MAGI2: variants seen among roughly 807,000 people sequenced by gnomAD.
MAGI2 encodes the protein membrane associated guanylate kinase, WW and PDZ domain containing 2.
MAGI2 carries 35 observed loss-of-function variants against 133.3 expected under a neutral mutation model. That is an observed-to-expected ratio of 0.26 (90% CI 0.20 to 0.35). The LOEUF (loss-of-function observed/expected upper bound fraction) is 0.35, where lower values mean the gene tolerates loss of function less well. Among genes scored for constraint, MAGI2 ranks in the 10% least tolerant of loss-of-function variants. The pLI is 1.00. For missense variants in MAGI2, 1,636 were observed against 1,863.4 expected, an observed-to-expected ratio of 0.88 and a Z score of 2.25; for synonymous variants, 729 against 710.6, an observed-to-expected ratio of 1.03 and a Z score of -0.41.
intron 6 of MAGI2, among the ~76,000 whole-genome samples, chr7:78,480,095 A>G (rs571090308): frequency 6.6e-6 from 1 of 152,072 alleles, no homozygotes; most frequent in South Asian, 2.1e-4. Context: ...CTTGGAAGCA[A>G]TGAACCAATT....
intron 1 of MAGI2, among the ~76,000 whole-genome samples, chr7:79,344,882 C>T (rs925159547): frequency 1.3e-5 from 2 of 151,968 alleles, no homozygotes; most frequent in Middle Eastern, 3.4e-3. Context: ...AGAGGTGATC[C>T]CCAATAGTAG....
intron 1 of MAGI2, among the ~76,000 whole-genome samples, chr7:79,140,991 T>G (rs779280327): frequency 3.9e-5 from 6 of 152,158 alleles, no homozygotes; most frequent in Non-Finnish European, 7.4e-5. Flanking sequence ...TACTTCTAGG[T>G]TTTCAAATAA....
chr7:79,299,558 A>AT (rs1461912997), intron 1 of MAGI2, among the ~76,000 whole-genome samples: 1 of 146,940 alleles, frequency 6.8e-6, no homozygotes, highest in East Asian at 1.9e-4. Flanking sequence ...CCATCTCAAA[A>AT]AAAAAAAAAA....
At chr7:78,769,885 C>A (rs989792202) in intron 2 of MAGI2, among the ~76,000 whole-genome samples, 5 of 152,078 alleles carry the variant, frequency 3.3e-5, no homozygotes, top group African/African-American at 1.2e-4. Flanking sequence ...TAAATGCTTC[C>A]CCCCATTTCC....
At chr7:79,238,571 C>T (rs1052132289) in intron 1 of MAGI2, among the ~76,000 whole-genome samples, 1 of 152,092 alleles carries the variant, frequency 6.6e-6, no homozygotes, top group Non-Finnish European at 1.5e-5. Flanking sequence ...CCATTTTGTA[C>T]TAAGGTGGTT....
At chr7:79,373,176 CT>C (rs1194485633) in intron 1 of MAGI2, among the ~76,000 whole-genome samples, 1 of 151,776 alleles carries the variant, frequency 6.6e-6, no homozygotes, top group African/African-American at 2.4e-5. Context: ...ATTTGTTTTT[CT>C]TTTTTTAATA....
chr7:79,191,596 T>C (rs1827681845), intron 1 of MAGI2, among the ~76,000 whole-genome samples: 1 of 151,228 alleles, frequency 6.6e-6, no homozygotes, highest in African/African-American at 2.4e-5. Flanking sequence ...ACATTTCTTT[T>C]AAAATAAAAT....
intron 1 of MAGI2, among the ~76,000 whole-genome samples, chr7:79,146,377 T>C (rs1333756639): frequency 6.6e-6 from 1 of 152,186 alleles, no homozygotes; most frequent in Non-Finnish European, 1.5e-5. Flanking sequence ...GGAAGTTGCC[T>C]CTTATGATCT....
At chr7:79,128,878 C>G (rs1784978077) in intron 1 of MAGI2, among the ~76,000 whole-genome samples, 1 of 152,064 alleles carries the variant, frequency 6.6e-6, no homozygotes, top group Admixed American at 6.6e-5. Flanking sequence ...GCCTAGGCTA[C>G]TTTATTTTTT....
chr7:78,159,457 TAC>T (rs1354383368), intron 16 of MAGI2, among the ~76,000 whole-genome samples: 1 of 152,186 alleles, frequency 6.6e-6, no homozygotes, highest in Non-Finnish European at 1.5e-5. Flanking sequence ...GGACTTAGAC[TAC>T]AGTTGAGACT....
chr7:78,385,246 A>G (rs1795275115), intron 6 of MAGI2, among the ~76,000 whole-genome samples: 1 of 152,208 alleles, frequency 6.6e-6, no homozygotes. Flanking sequence ...TGGGTGGAAA[A>G]GGAAGAGAGG....
intron 1 of MAGI2, among the ~76,000 whole-genome samples, chr7:79,174,005 G>A (rs1338592115): frequency 1.3e-5 from 2 of 151,846 alleles, no homozygotes; most frequent in Non-Finnish European, 2.9e-5. Context: ...GAATGGGATG[G>A]AAAGGAAAGG....
intron 2 of MAGI2, among the ~76,000 whole-genome samples, chr7:79,006,027 C>A (rs1489665191): frequency 2.0e-5 from 3 of 152,174 alleles, no homozygotes; most frequent in African/African-American, 4.8e-5. Flanking sequence ...AAGTCCACCT[C>A]TCCTAAAAGG....
intron 1 of MAGI2, among the ~76,000 whole-genome samples, chr7:79,388,463 C>T (rs370576670): frequency 4.6e-5 from 7 of 151,914 alleles, no homozygotes; most frequent in South Asian, 2.1e-4. Context: ...ACTTTTATCA[C>T]GTAAGTTATT....
rs190140167 is a variant in MAGI2, at chr7:78,633,891, T to C, written c.419-6652A>G. Among the ~76,000 whole-genome samples the C allele has an allele frequency of 3.3e-5, 5 of 152,184 alleles. No individual in the cohort carries two copies. The East Asian group carries it at 7.7e-4, about 24-fold the overall frequency. ...TATGCACTGAGGTAAATAATAGACA[T>C]AAAAGGGCATTATAAAAAGTAAAAG... is the stretch of plus-strand genomic sequence containing the variant. On this transcript the variant is annotated intron_variant, in intron 2 of 21. Coordinates refer to ENST00000354212, the MANE Select transcript of MAGI2 (RefSeq NM_012301.4).
intron 1 of MAGI2, among the ~76,000 whole-genome samples, chr7:79,161,562 T>G (rs897714908): frequency 1.3e-5 from 2 of 152,052 alleles, no homozygotes; most frequent in African/African-American, 4.8e-5. Context: ...TGCTAACTGA[T>G]AAGCAGAAAG....
In MAGI2 at chr7:79,397,215, T is replaced by C. The variant is rs549113991; in HGVS notation, c.301+55805A>G. Among the ~76,000 whole-genome samples the C allele has an allele frequency of 2.6e-4, 39 of 149,558 alleles. No homozygotes were observed. In the South Asian group the frequency reaches 7.3e-3, roughly 28 times the overall value. On this transcript the variant is annotated intron_variant, in intron 1 of 21. Coordinates refer to ENST00000354212, the MANE Select transcript of MAGI2 (RefSeq NM_012301.4). ...TATATATAAATACATTGTTTATATA[T>C]GTATATATGCGTGTGTATATTTATG...
At chr7:79,191,668 C>G (rs1827688787) in intron 1 of MAGI2, among the ~76,000 whole-genome samples, 1 of 151,530 alleles carries the variant, frequency 6.6e-6, no homozygotes, top group Admixed American at 6.6e-5. Flanking sequence ...AAAGTTTCTA[C>G]TTTTTAAATT....
intron 7 of MAGI2, among the ~76,000 whole-genome samples, chr7:78,368,281 T>C (rs1451552767): frequency 6.6e-6 from 1 of 152,198 alleles, no homozygotes; most frequent in Non-Finnish European, 1.5e-5. Flanking sequence ...AAAGCCAACC[T>C]GTAACTCTTG....
Sources: allele counts gnomAD v4.1 joint callset (sites outside exome capture counted in the v4.1 genomes callset), GRCh38; gene constraint gnomAD v4.1.1; transcripts MANE v1.5; gene names NCBI Gene and HGNC (gene_info 2026-07-23, HGNC 2026-07-21).